The following NIT1 variants were observed in gnomAD, a reference collection of about 807,000 sequenced individuals.
The protein encoded by NIT1 is nitrilase 1.
Under a neutral mutation model 36.8 loss-of-function variants are expected in NIT1, and 30 were observed. The ratio of observed to expected loss-of-function variants is 0.82; its 90% confidence interval spans 0.61 to 1.11. The LOEUF is 1.11. Ranked by LOEUF, NIT1 falls within the 50% of genes least tolerant of loss-of-function variation. NIT1 has a pLI of 0.00. For synonymous variants in NIT1, 151 were observed against 155.6 expected, an observed-to-expected ratio of 0.97 and a Z score of 0.22; for missense variants, 438 against 410.6, an observed-to-expected ratio of 1.07 and a Z score of -0.58.
intron 4 of NIT1, 28 bp from the exon 5 acceptor site, chr1:161,119,791 C>G (rs750364173): frequency 6.3e-7 from 1 of 1,582,120 alleles, no homozygotes; most frequent in South Asian, 1.2e-5. Flanking sequence ...AGAACACCAG[C>G]ACTGATATTC....
chr1:161,118,636 C>G, intron 1 of NIT1, 150 bp from the exon 2 acceptor site: 4 of 1,524,370 alleles, frequency 2.6e-6, no homozygotes, highest in Non-Finnish European at 3.5e-6. Flanking sequence ...GTCCCTTAGC[C>G]TATAATTTCT....
downstream of NIT1, chr1:161,124,629 C>CCTG: frequency 4.5e-6 from 6 of 1,344,858 alleles, no homozygotes; most frequent in South Asian, 3.5e-5. Flanking sequence ...CAGTATAGTG[C>CCTG]TTTATACATG....
At chr1:161,122,090 T>C, downstream of NIT1, 7 of 1,584,624 alleles carry the variant, frequency 4.4e-6, no homozygotes, top group Non-Finnish European at 6.0e-6. The surrounding 1 kb of genome is among the most constrained non-coding windows in gnomAD (Gnocchi z 4.2). Context: ...CCCAGAACAG[T>C]GTAAGCTCCA....
chr1:161,122,836 C>T (rs1366811762), downstream of NIT1: 1 of 774,772 alleles, frequency 1.3e-6, no homozygotes, highest in Non-Finnish European at 2.1e-6. The surrounding 1 kb of genome is among the most constrained non-coding windows in gnomAD (Gnocchi z 4.2). Flanking sequence ...GCTCATCCTA[C>T]AATAAGGATG....
downstream of NIT1, chr1:161,124,157 G>T (rs769362055): frequency 1.2e-6 from 2 of 1,613,410 alleles, no homozygotes; most frequent in African/African-American, 2.7e-5. Flanking sequence ...TCCTCTTGAG[G>T]GTGACGTAGG....
In NIT1 at chr1:161,119,154, C is replaced by T. The variant is rs1655141367; in HGVS notation, c.119C>T (p.Ser40Phe). The change falls in exon 3 of 7, where the codon TCC (serine) becomes TTC (phenylalanine). Residue 40 changes from serine (S) to phenylalanine (F), a missense_variant. By Grantham distance (155) the Ser-to-Phe change is radical (BLOSUM62 -2). Coordinates refer to ENST00000368009, the MANE Select transcript of NIT1 (RefSeq NM_005600.3). ...CACAGGCCCAGAGCCATGGCTATCT[C>T]CTCTTCCTCCTGCGAACTGCCCCTG... is the stretch of plus-strand genomic sequence containing the variant. ...AQPRPRAMAI[S>F]SSSCELPLVA... 1 of 1,613,870 alleles carries T rather than the reference C, an allele frequency of 6.2e-7. No individual in the cohort carries two copies. Among genetic ancestry groups the T allele is most frequent in the Non-Finnish European group, 8.5e-7 (1 of 1,179,984 alleles).
At chr1:161,119,046 C>G (rs1422838632) in intron 2 of NIT1, 88 bp from the exon 3 acceptor site, 14 of 1,527,986 alleles carry the variant, frequency 9.2e-6, no homozygotes, top group Non-Finnish European at 1.3e-5. Flanking sequence ...GGAAGTCCAG[C>G]TTTCCTGCCT....
rs367895808 is a variant in NIT1 at position 161,120,611 on chromosome 1, C to G, written c.830C>G (p.Pro277Arg). 7 of 1,614,050 alleles carry G rather than the reference C, an allele frequency of 4.3e-6. No homozygotes were observed. Among genetic ancestry groups the G allele is most frequent in the Non-Finnish European group, 5.1e-6 (6 of 1,180,044 alleles). Residue 277 changes from proline (P) to arginine (R), a missense_variant, in exon 7 of 7, where the codon CCC becomes CGC. Physicochemically the swap from Pro to Arg is moderately radical, Grantham distance 103. Coordinates refer to ENST00000368009, the MANE Select transcript of NIT1 (RefSeq NM_005600.3). ...TATGGCCACAGCATGGTGGTAGACC[C>G]CTGGGGAACAGTGGTGGCCCGCTGC... ...ASYGHSMVVDPWGTVVARCSE... is the reference protein window; with the variant it reads ...ASYGHSMVVDRWGTVVARCSE...
chr1:161,118,141 G>T lies in NIT1; in HGVS notation c.-36G>T, dbSNP rs1345229877. The T allele has an allele frequency of 1.2e-6, 2 of 1,613,914 alleles. No individual in the cohort carries two copies. The highest frequency in any genetic ancestry group is 1.7e-6 in the Non-Finnish European group (2 of 1,179,914). The stretch of plus-strand genomic sequence containing the variant: ...CGCTTCTGGCTCCAGACCGCCCTCC[G>T]GATCGGACCCTGCGAATGGTTTTGG... On this transcript the variant is annotated 5_prime_UTR_variant, in exon 1 of 7. Coordinates refer to ENST00000368009, the MANE Select transcript of NIT1 (RefSeq NM_005600.3).
At chr1:161,121,242 G>T, downstream of NIT1, 1 of 946,524 alleles carries the variant, frequency 1.1e-6, no homozygotes, top group African/African-American at 1.8e-5. Context: ...GGGCGTAGGA[G>T]TGGAGGAGGG....
In NIT1 at chr1:161,120,536, A is replaced by G; in HGVS notation, c.755A>G (p.Tyr252Cys). Residue 252 changes from tyrosine (Y) to cysteine (C), a missense_variant, in exon 7 of 7, where the codon TAT becomes TGT. Transcript: ENST00000368009. ...LRARAIETQC[Y>C]VVAAAQCGRH... is the part of the protein sequence containing the mutation. ...GCCCGTGCTATCGAAACCCAGTGCTATGTAGTGGCAGCAGCACAGTGTGGA... is the reference window on the plus strand; with the variant it reads ...GCCCGTGCTATCGAAACCCAGTGCTGTGTAGTGGCAGCAGCACAGTGTGGA... 1 of 1,614,126 alleles carries G rather than the reference A, an allele frequency of 6.2e-7. No individual in the cohort carries two copies. The highest frequency in any genetic ancestry group is 8.5e-7 in the Non-Finnish European group (1 of 1,180,022).
chr1:161,122,264 G>A (rs1335604563), downstream of NIT1: 1 of 1,614,094 alleles, frequency 6.2e-7, no homozygotes, highest in African/African-American at 1.3e-5. The surrounding 1 kb of genome is among the most constrained non-coding windows in gnomAD (Gnocchi z 4.2). Context: ...CTTGCTTGAG[G>A]GAGTCTGTGA....
chr1:161,121,991 A>T (rs919224265), downstream of NIT1: 42 of 972,416 alleles, frequency 4.3e-5, no homozygotes, highest in Non-Finnish European at 5.9e-5. Flanking sequence ...AGGGGTGGGG[A>T]ATACCACTTC....
downstream of NIT1, chr1:161,122,935 C>T (rs1319202225): frequency 6.5e-7 from 1 of 1,528,806 alleles, no homozygotes; most frequent in East Asian, 2.3e-5. This position sits in a 1 kb window ranked among gnomAD's most constrained non-coding sequence, Gnocchi z 4.2. Context: ...TTCCACCAGA[C>T]ACCAAACCAT....
chr1:161,120,414 G>C (rs1655327384), intron 6 of NIT1, 85 bp from the exon 7 acceptor site: 1 of 1,494,408 alleles, frequency 6.7e-7, no homozygotes, highest in Non-Finnish European at 9.2e-7. Context: ...AGTCACAATG[G>C]GTAGATTGGT....
At chr1:161,124,261 A>G (rs778571118), downstream of NIT1, 1 of 1,614,258 alleles carries the variant, frequency 6.2e-7, no homozygotes, top group South Asian at 1.1e-5. Context: ...AGTGCCAATA[A>G]GAAGTCACGT....
chr1:161,119,853 G>C lies in NIT1; in HGVS notation c.492G>C (p.Leu164=). 3 of 1,611,952 alleles carry C rather than the reference G, an allele frequency of 1.9e-6. No individual in the cohort carries two copies. Among genetic ancestry groups the C allele is most frequent in the Non-Finnish European group, 1.7e-6 (2 of 1,179,098 alleles). Residue 164 remains leucine, a synonymous_variant, in exon 5 of 7, where the codon CTG becomes CTC. Coordinates refer to ENST00000368009, the MANE Select transcript of NIT1 (RefSeq NM_005600.3). ...TGGCCACTTACAGGAAGACACATCTGTGTGACGTAGAGATTCCAGGGCAGG... is the reference window on the plus strand; with the variant it reads ...TGGCCACTTACAGGAAGACACATCTCTGTGACGTAGAGATTCCAGGGCAGG... ...AVVATYRKTH[L]CDVEIPGQGP...
chr1:161,123,030 C>G, downstream of NIT1: 1 of 1,614,206 alleles, frequency 6.2e-7, no homozygotes, highest in Non-Finnish European at 8.5e-7. Context: ...TCTTTATATT[C>G]TCCTTCAAGT....
At chr1:161,124,815 G>T, downstream of NIT1, 1 of 195,762 alleles carries the variant, frequency 5.1e-6, no homozygotes, top group Non-Finnish European at 1.1e-5. Flanking sequence ...GAAAAAATTA[G>T]CTGGGCTTGG....
Sources: gnomAD v4.1 joint callset for allele counts on GRCh38, gnomAD v4.1.1 for gene constraint, Gnocchi (gnomAD v3.1) non-coding constraint, MANE v1.5 for transcripts, NCBI Gene and HGNC (gene_info 2026-07-23, HGNC 2026-07-21) for gene names.